The following C1orf21 variants were observed in gnomAD, a reference collection of about 807,000 sequenced individuals.
C1orf21 encodes the protein chromosome 1 open reading frame 21, also known as uncharacterized protein C1orf21.
In C1orf21, 3 loss-of-function variants were observed where a neutral mutation model predicts 18.7. The ratio of observed to expected loss-of-function variants is 0.16; its 90% confidence interval spans 0.07 to 0.42. The LOEUF (loss-of-function observed/expected upper bound fraction) is 0.42. Ranked by LOEUF, C1orf21 falls within the 10% of genes least tolerant of loss-of-function variation. C1orf21 has a pLI of 0.99. For missense variants in C1orf21, 104 were observed against 143.6 expected, an observed-to-expected ratio of 0.72 and a Z score of 1.41; for synonymous variants, 41 against 46.4, an observed-to-expected ratio of 0.88 and a Z score of 0.47.
chr1:184,513,742 C>T (rs1044189161), intron 3 of C1orf21, among the ~76,000 whole-genome samples: 4 of 152,174 alleles, frequency 2.6e-5, no homozygotes, highest in African/African-American at 9.7e-5. Context: ...ATATGTAAGC[C>T]AATGAAACAC....
At chr1:184,408,989 G>A (rs1271888890) in intron 1 of C1orf21, among the ~76,000 whole-genome samples, 2 of 152,208 alleles carry the variant, frequency 1.3e-5, no homozygotes, top group African/African-American at 4.8e-5. Context: ...TAATGGGTTT[G>A]GATGTCAGCA....
At chr1:184,577,247 G>A (rs1659205484) in intron 3 of C1orf21, among the ~76,000 whole-genome samples, 1 of 151,364 alleles carries the variant, frequency 6.6e-6, no homozygotes, top group Non-Finnish European at 1.5e-5. Flanking sequence ...GAAAGAAGAT[G>A]TAATAACAGA....
chr1:184,465,725 G>A (rs1657384547), intron 1 of C1orf21, among the ~76,000 whole-genome samples: 1 of 152,186 alleles, frequency 6.6e-6, no homozygotes, highest in African/African-American at 2.4e-5. Context: ...GACAGCTGGG[G>A]CAAAGGGCTC....
chr1:184,588,444 A>G (rs1659389019), intron 3 of C1orf21, among the ~76,000 whole-genome samples: 1 of 152,156 alleles, frequency 6.6e-6, no homozygotes, highest in Non-Finnish European at 1.5e-5. Flanking sequence ...TTGACCCTAA[A>G]AAGTTTGAGA....
rs1658912735 is a variant in C1orf21, at chr1:184,558,754, T to C, written c.190-31985T>C. Among the ~76,000 whole-genome samples, 3 of 152,224 alleles carry C rather than the reference T, an allele frequency of 2.0e-5. No individual in the cohort carries two copies. The South Asian group carries it at 6.2e-4, about 31-fold the overall frequency. On this transcript the variant is annotated intron_variant, in intron 3 of 5. Coordinates refer to ENST00000235307, the MANE Select transcript of C1orf21 (RefSeq NM_030806.4). ...GTGATAATAATAGTAACAGTAGCAA[T>C]AGCAATAATAGCACTAGTAATACTA...
At chr1:184,423,259 C>G (rs1359427110) in intron 1 of C1orf21, among the ~76,000 whole-genome samples, 1 of 152,134 alleles carries the variant, frequency 6.6e-6, no homozygotes, top group Admixed American at 6.6e-5. Context: ...CTTCACCAGT[C>G]TCATAGAAGA....
At chr1:184,607,438 A>G (rs1659662950) in intron 5 of C1orf21, among the ~76,000 whole-genome samples, 1 of 152,204 alleles carries the variant, frequency 6.6e-6, no homozygotes, top group African/African-American at 2.4e-5. Context: ...GGTAAAAACC[A>G]TCAATTAAAC....
chr1:184,597,124 C>G (rs1659526393), intron 4 of C1orf21, among the ~76,000 whole-genome samples: 1 of 152,142 alleles, frequency 6.6e-6, no homozygotes, highest in Non-Finnish European at 1.5e-5. Flanking sequence ...TTCTGTTCTG[C>G]CTTTCAAACC....
At chr1:184,608,364 C>T (rs550967601) in intron 5 of C1orf21, among the ~76,000 whole-genome samples, 53 of 152,322 alleles carry the variant, frequency 3.5e-4, no homozygotes, top group South Asian at 8.3e-4. Context: ...TCCCCTGGGT[C>T]CCAACATGTG....
At chr1:184,397,285 C>T (rs1337666748) in intron 1 of C1orf21, among the ~76,000 whole-genome samples, 3 of 152,104 alleles carry the variant, frequency 2.0e-5, no homozygotes, top group East Asian at 1.9e-4. Flanking sequence ...GTTTTCTCAC[C>T]GTTAAAAAAC....
chr1:184,495,532 A>G (rs945221362), intron 2 of C1orf21, among the ~76,000 whole-genome samples: 16 of 152,104 alleles, frequency 1.1e-4, no homozygotes, highest in Admixed American at 9.2e-4. Context: ...AATTAACGTC[A>G]ATATACTTAC....
chr1:184,511,879 C>G (rs1383495872), intron 3 of C1orf21, among the ~76,000 whole-genome samples: 1 of 152,150 alleles, frequency 6.6e-6, no homozygotes, highest in East Asian at 1.9e-4. Context: ...AACTCACTCA[C>G]TGTCATGAGA....
chr1:184,545,612 A>C (rs190405208), intron 3 of C1orf21, among the ~76,000 whole-genome samples: 177 of 151,708 alleles, frequency 1.2e-3, no homozygotes, highest in African/African-American at 4.1e-3. Flanking sequence ...GGCCATAACT[A>C]CTCCTATGCT....
chr1:184,467,536 A>C (rs530086358), intron 1 of C1orf21, among the ~76,000 whole-genome samples: 7 of 152,302 alleles, frequency 4.6e-5, no homozygotes, highest in African/African-American at 1.4e-4. Flanking sequence ...GGTGCTGTAC[A>C]GGGAGCATGT....
chr1:184,437,388 C>A (rs2101973406), intron 1 of C1orf21, among the ~76,000 whole-genome samples: 1 of 152,298 alleles, frequency 6.6e-6, no homozygotes, highest in African/African-American at 2.4e-5. Context: ...ATAAGAAGTT[C>A]CACCCAGACC....
At chr1:184,618,857 G>C (rs965217188) in intron 5 of C1orf21, among the ~76,000 whole-genome samples, 1 of 152,160 alleles carries the variant, frequency 6.6e-6, no homozygotes, top group African/African-American at 2.4e-5. Flanking sequence ...TTAAAGCCCA[G>C]CCCCAATCAT....
chr1:184,410,801 G>A (rs983569748), intron 1 of C1orf21, among the ~76,000 whole-genome samples: 1 of 120,026 alleles, frequency 8.3e-6, no homozygotes, highest in African/African-American at 4.9e-5. Context: ...CCTTACAGGC[G>A]CCTCCATGCC....
intron 1 of C1orf21, among the ~76,000 whole-genome samples, chr1:184,449,774 A>G (rs559829537): frequency 1.4e-4 from 21 of 152,308 alleles, no homozygotes; most frequent in Admixed American, 1.2e-3. Flanking sequence ...CCTATGTGTA[A>G]TATATTTATA....
intron 1 of C1orf21, among the ~76,000 whole-genome samples, chr1:184,398,741 A>G (rs1656102925): frequency 1.3e-5 from 2 of 152,226 alleles, no homozygotes; most frequent in South Asian, 2.1e-4. Flanking sequence ...TTGTAACAAA[A>G]TGGTATTTGT....
Sources: allele counts gnomAD v4.1 joint callset (sites outside exome capture counted in the v4.1 genomes callset), GRCh38; gene constraint gnomAD v4.1.1; transcripts MANE v1.5; gene names NCBI Gene and HGNC (gene_info 2026-07-23, HGNC 2026-07-21).